The following STK32C variants were observed in gnomAD, a reference collection of about 807,000 sequenced individuals.
The protein encoded by STK32C is serine/threonine kinase 32C, also known as serine/threonine-protein kinase 32C.
A neutral mutation model predicts 56.5 loss-of-function variants in STK32C; 31 were observed. That is an observed-to-expected ratio of 0.55 (90% CI 0.41 to 0.74). The LOEUF is 0.74. STK32C is among the 30% of genes least tolerant of loss of function. The pLI is 0.00. For synonymous variants in STK32C, 309 were observed against 289.4 expected, an observed-to-expected ratio of 1.07 and a Z score of -0.69; for missense variants, 544 against 676.9, an observed-to-expected ratio of 0.80 and a Z score of 2.18.
chr10:132,264,869 T>C (rs988744554), intron 1 of STK32C, among the ~76,000 whole-genome samples: 6 of 152,214 alleles, frequency 3.9e-5, no homozygotes, highest in Non-Finnish European at 7.3e-5. Flanking sequence ...TGTGAATAAA[T>C]AGGGCGCTTC....
rs1029699401 is a variant in STK32C, at chr10:132,226,865, T to A, written c.574A>T (p.Thr192Ser). The part of the protein sequence containing the change: ...LQQNVQFSED[T>S]VRLYICEMAL... ...ATCTCGCAGATGTACAGCCTCACCG[T>A]GTCCTCGGAGAACTGCACGTTCTGC... The change falls in exon 4 of 12, where the codon ACG becomes TCG. Residue 192 changes from threonine to serine, a missense_variant. By Grantham distance (58) the Thr-to-Ser change is moderately conservative. Transcript: ENST00000298630. The A allele has an allele frequency of 1.9e-6, 3 of 1,613,352 alleles. No individual in the cohort carries two copies. The highest frequency in any genetic ancestry group is 1.7e-5 in the Admixed American group (1 of 60,010).
chr10:132,330,168 C>CAGT (rs1440092448), intron 1 of STK32C: 1 of 414,406 alleles, frequency 2.4e-6, no homozygotes. Context: ...AAACTGAGCA[C>CAGT]AGTAAAGGGC....
At chr10:132,236,158 A>C (rs2063283588) in intron 2 of STK32C, among the ~76,000 whole-genome samples, 1 of 144,600 alleles carries the variant, frequency 6.9e-6, no homozygotes, top group Non-Finnish European at 1.5e-5. Flanking sequence ...CAAAGCCCAC[A>C]CATGGGCCTC....
At chr10:132,281,049 C>T (rs929938339) in intron 1 of STK32C, among the ~76,000 whole-genome samples, 10 of 151,034 alleles carry the variant, frequency 6.6e-5, no homozygotes, top group South Asian at 2.1e-4. Flanking sequence ...CGTGATCACA[C>T]CCCTGCACTC....
At chr10:132,213,048 G>A (rs943555447) in intron 10 of STK32C, among the ~76,000 whole-genome samples, 42 of 152,342 alleles carry the variant, frequency 2.8e-4, no homozygotes, top group African/African-American at 9.6e-4. Context: ...TTCCCCTCCA[G>A]GAACCCTGCC....
intron 1 of STK32C, among the ~76,000 whole-genome samples, chr10:132,271,129 G>A (rs2064806096): frequency 6.6e-6 from 1 of 152,140 alleles, no homozygotes; most frequent in Non-Finnish European, 1.5e-5. Context: ...AAATACAGGG[G>A]GTGAGGAGTG....
At chr10:132,256,488 G>A (rs570122224) in intron 1 of STK32C, among the ~76,000 whole-genome samples, 3 of 152,318 alleles carry the variant, frequency 2.0e-5, no homozygotes, top group Admixed American at 2.0e-4. Flanking sequence ...CCATAAATGA[G>A]TGATTAGGGC....
At chr10:132,284,803 C>T (rs2065343394) in intron 1 of STK32C, among the ~76,000 whole-genome samples, 1 of 147,550 alleles carries the variant, frequency 6.8e-6, no homozygotes, top group Non-Finnish European at 1.5e-5. Flanking sequence ...GAACCCAGAA[C>T]ACATTCCCAC....
chr10:132,215,712 C>T (rs376929155), intron 10 of STK32C, among the ~76,000 whole-genome samples: 15 of 152,212 alleles, frequency 9.9e-5, no homozygotes, highest in Admixed American at 3.3e-4. Context: ...TAAAGTAGGG[C>T]GCTGCTGAAA....
intron 1 of STK32C, among the ~76,000 whole-genome samples, chr10:132,283,830 C>T (rs917009341): frequency 6.6e-6 from 1 of 152,208 alleles, no homozygotes; most frequent in African/African-American, 2.4e-5. Context: ...TCCACTTCTC[C>T]CCACGCTCTG....
chr10:132,310,809 C>G (rs567740788), upstream of STK32C, among the ~76,000 whole-genome samples: 1 of 152,362 alleles, frequency 6.6e-6, no homozygotes, highest in East Asian at 1.9e-4. This position sits in a 1 kb window ranked among gnomAD's most constrained non-coding sequence, Gnocchi z 4.6. Flanking sequence ...CGTGGGACCA[C>G]TTTAGCTTGG....
chr10:132,298,869 G>A (rs185042950), intron 1 of STK32C, among the ~76,000 whole-genome samples: 4 of 152,162 alleles, frequency 2.6e-5, no homozygotes, highest in Admixed American at 6.5e-5. Flanking sequence ...CATCTTCACC[G>A]CAGCCTCATG....
Position 132,207,690 on chromosome 10 carries a change from G to C in STK32C, c.*320C>G. 2 of 261,230 alleles carry C rather than the reference G, an allele frequency of 7.7e-6. No individual in the cohort carries two copies. Among genetic ancestry groups the C allele is most frequent in the Non-Finnish European group, 1.4e-5 (2 of 139,220 alleles). 16.2% of individuals were successfully genotyped at this position (261,230 alleles called of 1,614,324 possible). A position where few individuals can be genotyped will look rare whatever the true frequency, so the allele number is the denominator to read the frequency against. On this transcript the variant is annotated 3_prime_UTR_variant, in exon 12 of 12. Transcript: ENST00000298630. ...GACGAGGGCCGTGCACAGCCTCCGGGCTGAGCAGGGACAAAGACTCCTGTC... is the reference window on the plus strand; with the variant it reads ...GACGAGGGCCGTGCACAGCCTCCGGCCTGAGCAGGGACAAAGACTCCTGTC...
intron 1 of STK32C, among the ~76,000 whole-genome samples, chr10:132,305,096 A>G (rs1222184371): frequency 6.6e-6 from 1 of 152,238 alleles, no homozygotes; most frequent in Non-Finnish European, 1.5e-5. Flanking sequence ...GCAGCAGCAG[A>G]AAGACCCCCT....
chr10:132,278,275 C>G (rs1357971666), intron 1 of STK32C, among the ~76,000 whole-genome samples: 2 of 152,144 alleles, frequency 1.3e-5, no homozygotes, highest in Non-Finnish European at 2.9e-5. Flanking sequence ...CCCGCACATG[C>G]CATGCCTCCG....
At chr10:132,226,540 C>G (rs1162201867) in intron 4 of STK32C, among the ~76,000 whole-genome samples, 5 of 152,210 alleles carry the variant, frequency 3.3e-5, no homozygotes, top group Non-Finnish European at 7.3e-5. Context: ...TCCACCAGGG[C>G]TAACAGCCCA....
intron 1 of STK32C, among the ~76,000 whole-genome samples, chr10:132,327,885 G>C (rs966527933): frequency 6.6e-6 from 1 of 152,152 alleles, no homozygotes; most frequent in Non-Finnish European, 1.5e-5. Flanking sequence ...TTGGGCCTGT[G>C]GGGGCTCTGG....
intron 2 of STK32C, among the ~76,000 whole-genome samples, chr10:132,230,679 C>A (rs61265107): frequency 4.0e-5 from 2 of 49,684 alleles, no homozygotes; most frequent in Non-Finnish European, 8.0e-5. Flanking sequence ...GGGAAGCTGG[C>A]GGGGGGGGGG....
At chr10:132,293,114 G>A (rs762690192) in intron 1 of STK32C, among the ~76,000 whole-genome samples, 16 of 152,262 alleles carry the variant, frequency 1.1e-4, no homozygotes, top group East Asian at 1.9e-4. Flanking sequence ...TCAGTGCAGC[G>A]CGTGCATGCG....
Sources: allele counts gnomAD v4.1 joint callset (sites outside exome capture counted in the v4.1 genomes callset), GRCh38; gene constraint gnomAD v4.1.1; non-coding constraint Gnocchi (gnomAD v3.1); transcripts MANE v1.5; gene names NCBI Gene and HGNC (gene_info 2026-07-23, HGNC 2026-07-21).